ANKRD6: variants seen among roughly 807,000 people sequenced by gnomAD.
ANKRD6 encodes ankyrin repeat domain-containing protein 6.
ANKRD6 carries 56 observed loss-of-function variants against 82.3 expected under a neutral mutation model. That is an observed-to-expected ratio of 0.68 (90% CI 0.55 to 0.85). The LOEUF (loss-of-function observed/expected upper bound fraction) is 0.85. Among genes scored for constraint, ANKRD6 ranks in the 40% least tolerant of loss-of-function variants. ANKRD6 has a pLI of 0.00. For missense variants in ANKRD6, 852 were observed against 907.6 expected (o/e 0.94, Z 0.79); for synonymous variants, 347 against 352.1 (o/e 0.99, Z 0.16).
chr6:89,560,941 G>A (rs1357164544), intron 1 of ANKRD6: 1 of 152,278 alleles, frequency 6.6e-6, no homozygotes, highest in Non-Finnish European at 1.5e-5. Flanking sequence ...TCTGAACTTT[G>A]AGTATGCGCA....
chr6:89,608,368 C>A (rs936951750), intron 5 of ANKRD6, among the ~76,000 whole-genome samples: 8 of 130,752 alleles, frequency 6.1e-5, no homozygotes, highest in Non-Finnish European at 8.2e-5. Context: ...CACACACACA[C>A]TATATATATA....
chr6:89,502,374 G>A (rs1165974919), intron 1 of ANKRD6, among the ~76,000 whole-genome samples: 1 of 152,204 alleles, frequency 6.6e-6, no homozygotes, highest in African/African-American at 2.4e-5. Flanking sequence ...GACTGGGCAT[G>A]GTGTCTCATG....
intron 1 of ANKRD6, among the ~76,000 whole-genome samples, chr6:89,531,813 A>G (rs377288841): frequency 3.5e-4 from 53 of 152,372 alleles, no homozygotes; most frequent in African/African-American, 1.3e-3. Context: ...GGTTGTGTGT[A>G]TATAGAGAAA....
At chr6:89,532,735 T>A (rs1354605035) in intron 1 of ANKRD6, among the ~76,000 whole-genome samples, 1 of 152,062 alleles carries the variant, frequency 6.6e-6, no homozygotes, top group East Asian at 1.9e-4. Context: ...GAGATCTCAC[T>A]CTGTCACCGA....
intron 9 of ANKRD6, 51 bp from the exon 10 acceptor site, chr6:89,621,871 A>G: frequency 6.4e-7 from 1 of 1,563,872 alleles, no homozygotes; most frequent in Non-Finnish European, 8.8e-7. Flanking sequence ...ATTCTCTCAC[A>G]CAGATGCTGC....
chr6:89,459,533 G>A (rs1582712072), intron 1 of ANKRD6, among the ~76,000 whole-genome samples: 1 of 152,016 alleles, frequency 6.6e-6, no homozygotes, highest in East Asian at 1.9e-4. Context: ...GCCATCTAAG[G>A]ATTTCACCAG....
At chr6:89,530,902 C>T (rs987953240) in intron 1 of ANKRD6, among the ~76,000 whole-genome samples, 4 of 152,194 alleles carry the variant, frequency 2.6e-5, no homozygotes, top group Non-Finnish European at 5.9e-5. Flanking sequence ...GTCATGGATA[C>T]TACCTCAAGG....
intron 1 of ANKRD6, among the ~76,000 whole-genome samples, chr6:89,537,362 C>T (rs1447963848): frequency 6.6e-6 from 1 of 152,074 alleles, no homozygotes; most frequent in African/African-American, 2.4e-5. Flanking sequence ...GAACCCCACC[C>T]ACACACCCCA....
chr6:89,555,905 C>T (rs775641897), intron 1 of ANKRD6, among the ~76,000 whole-genome samples: 2 of 150,064 alleles, frequency 1.3e-5, no homozygotes, highest in South Asian at 2.1e-4. Context: ...TAAATCAAGG[C>T]GGGGGAGGGA....
chr6:89,611,560 C>G, intron 5 of ANKRD6, among the ~76,000 whole-genome samples: 1 of 152,154 alleles, frequency 6.6e-6, no homozygotes, highest in East Asian at 1.9e-4. Context: ...TTATTCTGAC[C>G]CTTGGTTGTC....
chr6:89,589,446 C>A (rs896034171), intron 2 of ANKRD6, among the ~76,000 whole-genome samples: 3 of 152,188 alleles, frequency 2.0e-5, no homozygotes, highest in African/African-American at 7.2e-5. Flanking sequence ...CTGACACCTG[C>A]TGGGAACAAA....
At chr6:89,451,141 C>G (rs1003348987) in intron 1 of ANKRD6, among the ~76,000 whole-genome samples, 22 of 152,086 alleles carry the variant, frequency 1.4e-4, no homozygotes, top group African/African-American at 5.1e-4. Context: ...AACCCCATCT[C>G]TACAAAAAAT....
intron 1 of ANKRD6, among the ~76,000 whole-genome samples, chr6:89,473,940 C>T (rs1775761354): frequency 6.6e-6 from 1 of 152,102 alleles, no homozygotes; most frequent in African/African-American, 2.4e-5. Flanking sequence ...AAGATCGTGC[C>T]ACTGCACTCA....
At chr6:89,628,682 A>C (rs528764818) in intron 14 of ANKRD6, 2 of 206,548 alleles carry the variant, frequency 9.7e-6, no homozygotes, top group African/African-American at 4.7e-5. Context: ...AGGCAGGAGA[A>C]TGGCGTGAAC....
chr6:89,528,763 GC>G (rs1402805114), intron 1 of ANKRD6, among the ~76,000 whole-genome samples: 2 of 152,194 alleles, frequency 1.3e-5, no homozygotes, highest in African/African-American at 4.8e-5. Flanking sequence ...TGATCCATGG[GC>G]TGAAGGATGG....
intron 1 of ANKRD6, among the ~76,000 whole-genome samples, chr6:89,541,657 G>A (rs1784466130): frequency 6.6e-6 from 1 of 151,826 alleles, no homozygotes; most frequent in Admixed American, 6.6e-5. Context: ...CCCCCAGTAT[G>A]TGTGGCTATT....
intron 2 of ANKRD6, among the ~76,000 whole-genome samples, chr6:89,590,688 C>T (rs908575097): frequency 6.6e-6 from 1 of 152,148 alleles, no homozygotes; most frequent in African/African-American, 2.4e-5. Flanking sequence ...CCTACCCTTA[C>T]CCCCAACACA....
intron 5 of ANKRD6, among the ~76,000 whole-genome samples, chr6:89,611,154 G>T (rs1485387312): frequency 6.7e-6 from 1 of 149,788 alleles, no homozygotes; most frequent in South Asian, 2.1e-4. Flanking sequence ...CAAACTGGCC[G>T]CATCCAGTAT....
At chr6:89,493,388 C>CAGAG (rs1778231391) in intron 1 of ANKRD6, among the ~76,000 whole-genome samples, 1 of 151,778 alleles carries the variant, frequency 6.6e-6, no homozygotes, top group South Asian at 2.1e-4. Context: ...TCAACTCTCA[C>CAGAG]TCTCTCTCTC....
Sources: allele counts gnomAD v4.1 joint callset (sites outside exome capture counted in the v4.1 genomes callset), GRCh38; gene constraint gnomAD v4.1.1; transcripts MANE v1.5; gene names NCBI Gene and HGNC (gene_info 2026-07-23, HGNC 2026-07-21).